HOMER1: variants seen among roughly 807,000 people sequenced by gnomAD.
HOMER1 encodes homer scaffold protein 1.
HOMER1 carries 3 observed loss-of-function variants against 48.9 expected under a neutral mutation model. The ratio of observed to expected loss-of-function variants is 0.06; its 90% CI spans 0.03 to 0.16. The LOEUF is 0.16. HOMER1 is among the 10% of genes least tolerant of loss of function. The pLI is 1.00. For missense variants in HOMER1, 247 were observed against 411.4 expected, an observed-to-expected ratio of 0.60 and a Z score of 3.46; for synonymous variants, 134 against 146.4, an observed-to-expected ratio of 0.92 and a Z score of 0.61.
chr5:79,502,651 C>A (rs1752627639), intron 1 of HOMER1, among the ~76,000 whole-genome samples: 1 of 152,162 alleles, frequency 6.6e-6, no homozygotes, highest in Non-Finnish European at 1.5e-5. Context: ...TGAAAACATT[C>A]TTTGGGATAG....
chr5:79,441,615 C>G (rs1030978011), intron 4 of HOMER1, among the ~76,000 whole-genome samples: 46 of 151,966 alleles, frequency 3.0e-4, no homozygotes, highest in African/African-American at 1.1e-3. Context: ...ACAAAAAGCC[C>G]ACCCAAAGCA....
intron 5 of HOMER1, among the ~76,000 whole-genome samples, chr5:79,426,620 G>A (rs1234358370): frequency 6.6e-6 from 1 of 152,144 alleles, no homozygotes; most frequent in African/African-American, 2.4e-5. Flanking sequence ...GTAGAGAATA[G>A]AATGGCTACC....
At chr5:79,506,878 T>G (rs1183290505) in intron 1 of HOMER1, among the ~76,000 whole-genome samples, 1 of 151,676 alleles carries the variant, frequency 6.6e-6, no homozygotes, top group East Asian at 1.9e-4. Flanking sequence ...ATGATTTTAT[T>G]CACATACTGA....
At chr5:79,403,782 T>C (rs922994368) in intron 5 of HOMER1, among the ~76,000 whole-genome samples, 1 of 152,214 alleles carries the variant, frequency 6.6e-6, no homozygotes, top group East Asian at 1.9e-4. Flanking sequence ...ACGGGCACTC[T>C]GTACAGTTTT....
chr5:79,417,414 T>A (rs1310252073), intron 5 of HOMER1, among the ~76,000 whole-genome samples: 1 of 152,210 alleles, frequency 6.6e-6, no homozygotes, highest in Non-Finnish European at 1.5e-5. Context: ...AGTGCTGGGA[T>A]TATAGGCGTG....
Position 79,373,296 on chromosome 5 carries a change from G to C in HOMER1, c.*2713C>G, listed in dbSNP as rs1263838007. 1 of 151,172 alleles carries C rather than the reference G, an allele frequency of 6.6e-6. No homozygotes were observed. Among genetic ancestry groups the C allele is most frequent in the Non-Finnish European group, 1.5e-5 (1 of 67,744 alleles). The allele number at this position is 151,172 out of a possible 1,614,324, so 9.4% of individuals were successfully genotyped here. ...ATTTCAAAATAAAAACTGTATTTTTGCTTTTCTTTTTTTTTTTCAATTTTT... is the reference window on the plus strand; with the variant it reads ...ATTTCAAAATAAAAACTGTATTTTTCCTTTTCTTTTTTTTTTTCAATTTTT... On this transcript the variant is annotated 3_prime_UTR_variant, in exon 9 of 9. Coordinates refer to ENST00000334082, the MANE Select transcript of HOMER1 (RefSeq NM_004272.5).
Position 79,513,801 on chromosome 5 carries a change from C to A in HOMER1, c.-1027G>T. 6.6e-6 allele frequency: 1 copy of A among 152,576 alleles called. No homozygotes were observed. Among genetic ancestry groups the A allele is most frequent in the South Asian group, 2.0e-4 (1 of 4,886 alleles). 9.5% of individuals were successfully genotyped at this position (152,576 alleles called of 1,614,324 possible). ...GCCGAAGGGTCGACGGGCGCCTGCC[C>A]GAGCCAAGGCGGGAGGCTAAGCCCG... On this transcript the variant is annotated 5_prime_UTR_variant, in exon 1 of 9. Transcript: ENST00000334082.
chr5:79,389,614 T>C (rs1749197584), intron 8 of HOMER1, among the ~76,000 whole-genome samples: 2 of 152,166 alleles, frequency 1.3e-5, no homozygotes, highest in Non-Finnish European at 2.9e-5. Flanking sequence ...GGAGGCCGCA[T>C]TCATTCCCTC....
chr5:79,481,532 AGAG>A (rs746889304), intron 1 of HOMER1, among the ~76,000 whole-genome samples: 6 of 152,244 alleles, frequency 3.9e-5, no homozygotes, highest in African/African-American at 7.2e-5. Context: ...AGAGTATTAA[AGAG>A]GAGGGAGCTG....
intron 1 of HOMER1, among the ~76,000 whole-genome samples, chr5:79,480,012 T>C (rs966218271): frequency 2.6e-5 from 4 of 152,324 alleles, no homozygotes; most frequent in East Asian, 1.9e-4. Flanking sequence ...GGACAAGTTA[T>C]AGCAATTGTT....
At chr5:79,449,249 TA>T (rs11290268) in intron 3 of HOMER1, among the ~76,000 whole-genome samples, 49,137 of 150,948 alleles carry the variant, frequency 0.33, 8,389 homozygotes, top group African/African-American at 0.43. Flanking sequence ...TAATAGGCAA[TA>T]AAAAAAAACA....
At chr5:79,499,162 A>G (rs1752505445) in intron 1 of HOMER1, among the ~76,000 whole-genome samples, 1 of 152,098 alleles carries the variant, frequency 6.6e-6, no homozygotes. Flanking sequence ...TCCAGGAAAA[A>G]TATTTCAAGA....
At chr5:79,445,942 T>C (rs1156306676) in intron 4 of HOMER1, among the ~76,000 whole-genome samples, 1 of 152,154 alleles carries the variant, frequency 6.6e-6, no homozygotes, top group Non-Finnish European at 1.5e-5. Flanking sequence ...AATAAAAGTA[T>C]GTAAAACAAA....
At chr5:79,445,037 T>C (rs1198878430) in intron 4 of HOMER1, among the ~76,000 whole-genome samples, 2 of 151,918 alleles carry the variant, frequency 1.3e-5, no homozygotes, top group African/African-American at 4.8e-5. Context: ...TTTATTCTTA[T>C]TAAAAAAAAA....
At position 79,513,114 on chromosome 5, in the gene HOMER1, T is replaced by C; in HGVS notation, c.-340A>G. 3.0e-6 allele frequency: 1 copy of C among 334,070 alleles called. No individual in the cohort carries two copies. Among genetic ancestry groups the C allele is most frequent in the Non-Finnish European group, 5.5e-6 (1 of 181,608 alleles). The allele number at this position is 334,070 out of a possible 1,614,324, so 20.7% of individuals were successfully genotyped here. ...CGAGTCCTATAAAAAATGAGTTCGCTGGTCATTTCACTCATGTCCTCCTCG... is the reference window on the plus strand; with the variant it reads ...CGAGTCCTATAAAAAATGAGTTCGCCGGTCATTTCACTCATGTCCTCCTCG... On this transcript the variant is annotated 5_prime_UTR_variant, in exon 1 of 9. Coordinates refer to ENST00000334082, the MANE Select transcript of HOMER1 (RefSeq NM_004272.5).
In HOMER1 at chr5:79,467,785, G is replaced by GT. The variant is rs1384864437; in HGVS notation, c.6-10768dup. Among the ~76,000 whole-genome samples the GT allele has an allele frequency of 2.6e-5, 4 of 152,030 alleles. No individual in the cohort carries two copies. The South Asian group carries it at 6.2e-4, about 24-fold the overall frequency. On this transcript the variant is annotated intron_variant, in intron 1 of 8. Transcript: ENST00000334082. The stretch of plus-strand genomic sequence containing the variant: ...TTTACTTTATATAATATAGGCCGGT[G>GT]TTTTGTTTTGAGACAGGGTTTTGCC...
At chr5:79,488,919 A>G (rs1051148700) in intron 1 of HOMER1, among the ~76,000 whole-genome samples, 14 of 152,230 alleles carry the variant, frequency 9.2e-5, no homozygotes, top group African/African-American at 3.4e-4. Context: ...TAAGCCAAAC[A>G]GCCTCTTAAA....
intron 8 of HOMER1, among the ~76,000 whole-genome samples, chr5:79,389,164 C>T (rs989822121): frequency 6.6e-6 from 1 of 151,456 alleles, no homozygotes; most frequent in Non-Finnish European, 1.5e-5. Context: ...CAAAACAAGG[C>T]AATAATGGAG....
chr5:79,465,128 T>C (rs958246978), intron 1 of HOMER1, among the ~76,000 whole-genome samples: 1 of 152,008 alleles, frequency 6.6e-6, no homozygotes, highest in Non-Finnish European at 1.5e-5. Context: ...CTTGAGCCCA[T>C]GAGTTCCAGA....
Sources: allele counts gnomAD v4.1 joint callset (sites outside exome capture counted in the v4.1 genomes callset), GRCh38; gene constraint gnomAD v4.1.1; transcripts MANE v1.5; gene names NCBI Gene and HGNC (gene_info 2026-07-23, HGNC 2026-07-21).